Variants in GRM3 observed in about 807,000 individuals in gnomAD.
GRM3 encodes the protein glutamate metabotropic receptor 3.
In GRM3, 26 loss-of-function variants were observed where a neutral mutation model predicts 70.5. The ratio of observed to expected loss-of-function variants is 0.37; its 90% confidence interval spans 0.27 to 0.51. The LOEUF is 0.51. Ranked by LOEUF, GRM3 falls within the 20% of genes least tolerant of loss-of-function variation. The pLI, the probability that GRM3 is intolerant of heterozygous loss-of-function variation, is 0.93. For missense variants in GRM3, 859 were observed against 1,123.8 expected (o/e 0.76, Z 3.37); for synonymous variants, 443 against 434.9 (o/e 1.02, Z -0.23).
At chr7:86,753,221 C>G (rs1160240515) in intron 1 of GRM3, among the ~76,000 whole-genome samples, 1 of 152,076 alleles carries the variant, frequency 6.6e-6, no homozygotes, top group Admixed American at 6.6e-5. Flanking sequence ...AAATTATCCT[C>G]ACTCCAACAA....
intron 1 of GRM3, among the ~76,000 whole-genome samples, chr7:86,693,840 A>G (rs1035904558): frequency 6.6e-6 from 1 of 152,242 alleles, no homozygotes; most frequent in Admixed American, 6.5e-5. Context: ...AGTAAAAACT[A>G]TCTCTTCCTT....
intron 1 of GRM3, among the ~76,000 whole-genome samples, chr7:86,701,702 T>C (rs1199482290): frequency 6.6e-6 from 1 of 151,966 alleles, no homozygotes; most frequent in African/African-American, 2.4e-5. Flanking sequence ...AGGAATACTC[T>C]TATGGGAAAC....
intron 3 of GRM3, among the ~76,000 whole-genome samples, chr7:86,797,028 CA>C (rs746712476): frequency 1.6e-4 from 24 of 152,320 alleles, no homozygotes; most frequent in Admixed American, 3.3e-4. Context: ...CTGCCCCAGC[CA>C]TGTGGAATTG....
At chr7:86,803,661 A>C (rs1220883614) in intron 3 of GRM3, among the ~76,000 whole-genome samples, 1 of 152,184 alleles carries the variant, frequency 6.6e-6, no homozygotes, top group African/African-American at 2.4e-5. Flanking sequence ...TAAGTCATCC[A>C]AGTTACTTGG....
intron 1 of GRM3, among the ~76,000 whole-genome samples, chr7:86,677,224 C>A (rs1794328681): frequency 6.6e-6 from 1 of 151,982 alleles, no homozygotes; most frequent in Non-Finnish European, 1.5e-5. Flanking sequence ...CTAATTAGAA[C>A]AAGATTCCTA....
chr7:86,670,376 A>T (rs1794140574), intron 1 of GRM3, among the ~76,000 whole-genome samples: 1 of 152,096 alleles, frequency 6.6e-6, no homozygotes, highest in Non-Finnish European at 1.5e-5. Flanking sequence ...ACCTCTAATC[A>T]TGTTCCCAAA....
intron 2 of GRM3, among the ~76,000 whole-genome samples, chr7:86,769,003 A>G (rs531999285): frequency 3.9e-5 from 6 of 152,204 alleles, no homozygotes; most frequent in Admixed American, 2.0e-4. Context: ...TAAGAATTCT[A>G]AAAAATATAG....
chr7:86,771,844 C>T (rs1424044649), intron 2 of GRM3, among the ~76,000 whole-genome samples: 3 of 152,052 alleles, frequency 2.0e-5, no homozygotes, highest in Admixed American at 6.6e-5. Context: ...AGCCTGCCTT[C>T]GAAGCCTTCC....
At chr7:86,668,295 T>C (rs984374065) in intron 1 of GRM3, among the ~76,000 whole-genome samples, 2 of 152,028 alleles carry the variant, frequency 1.3e-5, no homozygotes, top group Non-Finnish European at 2.9e-5. Flanking sequence ...ATTTAGGCCA[T>C]CATTATGAAC....
intron 1 of GRM3, among the ~76,000 whole-genome samples, chr7:86,669,038 C>G (rs920560033): frequency 1.3e-5 from 2 of 152,112 alleles, no homozygotes; most frequent in African/African-American, 2.4e-5. Flanking sequence ...AAGTATTTCT[C>G]CATGGAGTCA....
chr7:86,847,989 T>C (rs886781739), intron 4 of GRM3, among the ~76,000 whole-genome samples: 39 of 152,164 alleles, frequency 2.6e-4, no homozygotes, highest in Admixed American at 2.6e-3. Flanking sequence ...TTAGCAAGGG[T>C]AATCATCCCC....
At chr7:86,760,540 T>C (rs548817244) in intron 1 of GRM3, among the ~76,000 whole-genome samples, 4 of 152,066 alleles carry the variant, frequency 2.6e-5, no homozygotes, top group African/African-American at 9.7e-5. Context: ...TGATTTATAA[T>C]GAAAAGAACC....
intron 2 of GRM3, among the ~76,000 whole-genome samples, chr7:86,783,097 C>A (rs571979240): frequency 6.6e-6 from 1 of 152,100 alleles, no homozygotes; most frequent in African/African-American, 2.4e-5. Flanking sequence ...ATTCCAGAAC[C>A]AAGCTTTTAG....
chr7:86,786,646 T>A lies in GRM3; in HGVS notation c.854T>A (p.Ile285Asn), dbSNP rs2116545278. 6.2e-7 allele frequency: 1 copy of A among 1,612,050 alleles called. No individual in the cohort carries two copies. Among genetic ancestry groups the A allele is most frequent in the Non-Finnish European group, 8.5e-7 (1 of 1,179,844 alleles). ...FMRSDDSRELIAAASRANASF... is the reference protein window; with the variant it reads ...FMRSDDSRELNAAASRANASF... Reference sequence around the variant, plus strand: ...CGCAGCGACGACTCGCGGGAGCTCATTGCAGCCGCCAGCCGCGCCAATGCC... The same window carrying A: ...CGCAGCGACGACTCGCGGGAGCTCAATGCAGCCGCCAGCCGCGCCAATGCC... The change falls in exon 3 of 6, where the codon ATT becomes AAT. Residue 285 changes from isoleucine to asparagine, a missense_variant. Ile to Asn is a moderately radical substitution (Grantham distance 149, BLOSUM62 -3). Coordinates refer to ENST00000361669, the MANE Select transcript of GRM3 (RefSeq NM_000840.3). This position sits in a 1 kb window ranked among gnomAD's most constrained non-coding sequence, Gnocchi z 6.0.
At chr7:86,762,807 G>A (rs866151620) in intron 1 of GRM3, among the ~76,000 whole-genome samples, 5 of 152,146 alleles carry the variant, frequency 3.3e-5, no homozygotes, top group Middle Eastern at 6.8e-3. Context: ...CTTGGCAAAA[G>A]GGAACAGCAT....
chr7:86,648,172 C>T (rs1455844887), intron 1 of GRM3, among the ~76,000 whole-genome samples: 1 of 150,758 alleles, frequency 6.6e-6, no homozygotes, highest in African/African-American at 2.4e-5. Flanking sequence ...ACATTTTTTG[C>T]ACACTTATAT....
intron 1 of GRM3, among the ~76,000 whole-genome samples, chr7:86,650,518 A>T (rs530394311): frequency 2.0e-4 from 31 of 152,208 alleles, no homozygotes; most frequent in African/African-American, 7.2e-4. Flanking sequence ...ATCTTTCTCC[A>T]CTCCAGACAC....
intron 1 of GRM3, among the ~76,000 whole-genome samples, chr7:86,736,379 G>A (rs1017896797): frequency 6.6e-6 from 1 of 152,194 alleles, no homozygotes; most frequent in Admixed American, 6.5e-5. Flanking sequence ...TAATGTAGCT[G>A]CCAAAGTTCA....
At chr7:86,738,313 T>C (rs966512091) in intron 1 of GRM3, among the ~76,000 whole-genome samples, 1 of 152,108 alleles carries the variant, frequency 6.6e-6, no homozygotes, top group Non-Finnish European at 1.5e-5. Context: ...AAAGTATGGA[T>C]GCTTTTGAAC....
Sources: allele counts gnomAD v4.1 joint callset (sites outside exome capture counted in the v4.1 genomes callset), GRCh38; gene constraint gnomAD v4.1.1; non-coding constraint Gnocchi (gnomAD v3.1); transcripts MANE v1.5; gene names NCBI Gene and HGNC (gene_info 2026-07-23, HGNC 2026-07-21).